STX8: variants seen among roughly 807,000 people sequenced by gnomAD.
STX8 encodes syntaxin 8.
STX8 carries 23 observed loss-of-function variants against 37.5 expected under a neutral mutation model. The observed-to-expected ratio is 0.61, with a 90% CI of 0.44 to 0.87. STX8 has a LOEUF of 0.87. Ranked by LOEUF, STX8 falls within the 40% of genes least tolerant of loss-of-function variation. The pLI is 0.00. For synonymous variants in STX8, 115 were observed against 99.1 expected (o/e 1.16, Z -0.95); for missense variants, 313 against 284.7 (o/e 1.10, Z -0.71).
intron 6 of STX8, among the ~76,000 whole-genome samples, chr17:9,411,978 G>A (rs896437574): frequency 1.3e-5 from 2 of 152,076 alleles, no homozygotes; most frequent in Admixed American, 6.6e-5. Flanking sequence ...GTATAGACAA[G>A]CTATAAAAGA....
chr17:9,373,742 C>A (rs151018279), intron 7 of STX8, among the ~76,000 whole-genome samples: 64 of 152,152 alleles, frequency 4.2e-4, no homozygotes, highest in Non-Finnish European at 7.2e-4. Context: ...GAGTTTGAGA[C>A]CAGCCTGATT....
intron 7 of STX8, among the ~76,000 whole-genome samples, chr17:9,255,422 G>A (rs1290267338): frequency 6.6e-6 from 1 of 152,094 alleles, no homozygotes; most frequent in Non-Finnish European, 1.5e-5. Flanking sequence ...AGCTACTTGG[G>A]AGGCTGAGGC....
chr17:9,407,493 C>A (rs758958528), intron 6 of STX8, among the ~76,000 whole-genome samples: 4 of 151,126 alleles, frequency 2.6e-5, no homozygotes, highest in Non-Finnish European at 5.9e-5. Flanking sequence ...GGGATTTATT[C>A]TGAGCCAAAT....
intron 3 of STX8, among the ~76,000 whole-genome samples, chr17:9,551,898 G>C (rs959489746): frequency 1.3e-5 from 2 of 151,792 alleles, no homozygotes; most frequent in African/African-American, 2.4e-5. Context: ...AACTAGGGGG[G>C]GGTGTAACTT....
At chr17:9,301,740 C>T (rs1908796586) in intron 7 of STX8, among the ~76,000 whole-genome samples, 1 of 151,920 alleles carries the variant, frequency 6.6e-6, no homozygotes, top group South Asian at 2.1e-4. Flanking sequence ...CCGTCCGTCT[C>T]GGCCTCCCAA....
At chr17:9,307,167 C>A (rs1254050586) in intron 7 of STX8, among the ~76,000 whole-genome samples, 1 of 152,070 alleles carries the variant, frequency 6.6e-6, no homozygotes. Context: ...TAAAATGACT[C>A]GTTTACCAAG....
At chr17:9,354,871 C>T (rs1009054046) in intron 7 of STX8, among the ~76,000 whole-genome samples, 5 of 152,154 alleles carry the variant, frequency 3.3e-5, no homozygotes, top group Admixed American at 6.5e-5. Flanking sequence ...TGCTGTCATC[C>T]TGGGAGTTGT....
chr17:9,356,658 C>T (rs1418289934), intron 7 of STX8, among the ~76,000 whole-genome samples: 5 of 152,190 alleles, frequency 3.3e-5, no homozygotes, highest in African/African-American at 1.2e-4. Flanking sequence ...CCTCTCTTTC[C>T]CCATCTGCTT....
chr17:9,460,128 C>A (rs1905315272), intron 6 of STX8, among the ~76,000 whole-genome samples: 1 of 152,092 alleles, frequency 6.6e-6, no homozygotes, highest in Admixed American at 6.5e-5. Context: ...CCTTCTTTTG[C>A]AGTTGAGTAT....
chr17:9,369,692 G>C (rs1911340978), intron 7 of STX8, among the ~76,000 whole-genome samples: 1 of 151,702 alleles, frequency 6.6e-6, no homozygotes, highest in Non-Finnish European at 1.5e-5. Context: ...AGGAGTTTGA[G>C]ACCAGCCTGG....
intron 6 of STX8, among the ~76,000 whole-genome samples, chr17:9,416,162 G>C (rs1246190479): frequency 1.3e-5 from 2 of 152,110 alleles, no homozygotes; most frequent in Non-Finnish European, 2.9e-5. Context: ...AAAAGCATGT[G>C]GGTTATTTTA....
chr17:9,518,625 T>A (rs1342335153), intron 4 of STX8, among the ~76,000 whole-genome samples: 1 of 152,118 alleles, frequency 6.6e-6, no homozygotes, highest in South Asian at 2.1e-4. Flanking sequence ...TCCCAGCACT[T>A]TGGGAGGCCG....
Position 9,535,299 on chromosome 17 carries a change from G to A in STX8, c.323+9873C>T, listed in dbSNP as rs562482907. ...TTAACAACTTTCTTTGGGAAAGACT[G>A]TTGGAAAACAGGCACTCACCTAAAT... On this transcript the variant is annotated intron_variant, in intron 4 of 7. Transcript: ENST00000306357. Among the ~76,000 whole-genome samples, 304 of 152,028 alleles carry A rather than the reference G, an allele frequency of 2.0e-3. 1 individual carries two copies. Among genetic ancestry groups the A allele is most frequent in the Non-Finnish European group, 3.4e-3 (233 of 68,002 alleles).
chr17:9,337,482 G>A (rs549747038), intron 7 of STX8, among the ~76,000 whole-genome samples: 2 of 152,158 alleles, frequency 1.3e-5, no homozygotes, highest in African/African-American at 2.4e-5. Context: ...GGGTTCAAGC[G>A]ATTATCTTGC....
chr17:9,518,451 T>G (rs933786908), intron 4 of STX8, among the ~76,000 whole-genome samples: 4 of 152,176 alleles, frequency 2.6e-5, no homozygotes, highest in African/African-American at 7.2e-5. Context: ...AATTTGCAGG[T>G]ACCTCTTCCC....
intron 7 of STX8, among the ~76,000 whole-genome samples, chr17:9,298,518 C>T (rs73265969): frequency 0.013 from 1,990 of 152,150 alleles, 37 homozygotes; most frequent in African/African-American, 0.043. Flanking sequence ...ACTTTAAAAA[C>T]CAAAAAAACC....
intron 7 of STX8, among the ~76,000 whole-genome samples, chr17:9,294,056 C>A (rs1295419851): frequency 1.3e-5 from 2 of 152,156 alleles, no homozygotes; most frequent in Non-Finnish European, 2.9e-5. Flanking sequence ...TGAGCCACTG[C>A]CCCTGGCCCA....
intron 6 of STX8, among the ~76,000 whole-genome samples, chr17:9,388,308 G>C (rs1054934934): frequency 2.0e-5 from 3 of 151,072 alleles, no homozygotes; most frequent in Non-Finnish European, 4.4e-5. Context: ...CTGACCTCAG[G>C]TGATCCACTC....
At chr17:9,252,534 G>A (rs183878053) in intron 7 of STX8, among the ~76,000 whole-genome samples, 9 of 151,452 alleles carry the variant, frequency 5.9e-5, no homozygotes, top group Admixed American at 3.3e-4. Flanking sequence ...GTTTGAACAC[G>A]GGAGGCGGAG....
Sources: gnomAD v4.1 joint callset for allele counts (sites outside exome capture counted in the v4.1 genomes callset) on GRCh38, gnomAD v4.1.1 for gene constraint, MANE v1.5 for transcripts, NCBI Gene and HGNC (gene_info 2026-07-23, HGNC 2026-07-21) for gene names.